Variants in SCAF4 observed in about 807,000 individuals in gnomAD.
SCAF4 encodes SR-related and CTD-associated factor 4.
A neutral mutation model predicts 129.8 loss-of-function variants in SCAF4; 25 were observed. The ratio of observed to expected loss-of-function variants is 0.19; its 90% CI spans 0.14 to 0.27. The LOEUF (loss-of-function observed/expected upper bound fraction) is 0.27, where lower values mean the gene tolerates loss of function less well. SCAF4 is among the 10% of genes least tolerant of loss of function. The probability of loss-of-function intolerance (pLI) is 1.00; values close to 1 mark genes in which losing one functional copy is unlikely to be tolerated. For missense variants in SCAF4, 1,246 were observed against 1,457.1 expected (o/e 0.86, Z 2.36); for synonymous variants, 551 against 497.7 (o/e 1.11, Z -1.43).
intron 11 of SCAF4, among the ~76,000 whole-genome samples, chr21:31,693,964 T>C (rs1392415889): frequency 6.6e-6 from 1 of 152,102 alleles, no homozygotes; most frequent in African/African-American, 2.4e-5. Context: ...TAGAATTATA[T>C]CTTCAAAATT....
Position 31,685,035 on chromosome 21 carries a change from A to C in SCAF4, c.2488+14T>G, listed in dbSNP as rs777857049. On this transcript the variant is annotated intron_variant, in intron 19 of 19. Coordinates refer to ENST00000286835, the MANE Select transcript of SCAF4 (RefSeq NM_020706.2). ...TGGGGCAAGGAAAACTAATGATAAA[A>C]AAAAATAACTTACCAAGAAGTGAAA... The C allele has an allele frequency of 1.9e-6, 3 of 1,560,724 alleles. 1 individual carries two copies. In the South Asian group the frequency reaches 3.3e-5, roughly 17 times the overall value.
chr21:31,680,143 T>A (rs1387060333), intron 19 of SCAF4, among the ~76,000 whole-genome samples: 3 of 152,224 alleles, frequency 2.0e-5, no homozygotes, highest in African/African-American at 7.2e-5. Flanking sequence ...GAGATTTACA[T>A]TTAAGCCATT....
At chr21:31,706,182 A>G (rs1235416192) in intron 2 of SCAF4, 92 bp downstream of exon 2, 4 of 828,466 alleles carry the variant, frequency 4.8e-6, no homozygotes, top group Non-Finnish European at 7.9e-6. Flanking sequence ...TTAGGCCTGA[A>G]CTAATTCACA....
chr21:31,716,347 TAAAGA>T (rs2123654841), intron 1 of SCAF4, among the ~76,000 whole-genome samples: 1 of 152,172 alleles, frequency 6.6e-6, no homozygotes, highest in African/African-American at 2.4e-5. Context: ...AAGTTGAATT[TAAAGA>T]AAAAATAGAA....
At chr21:31,679,403 C>T (rs1282989727) in intron 19 of SCAF4, among the ~76,000 whole-genome samples, 1 of 151,846 alleles carries the variant, frequency 6.6e-6, no homozygotes, top group Non-Finnish European at 1.5e-5. Context: ...ACTGAAATAA[C>T]AGTACAACCA....
chr21:31,684,848 G>T, intron 19 of SCAF4: 1 of 570,118 alleles, frequency 1.8e-6, no homozygotes, highest in Non-Finnish European at 3.1e-6. Flanking sequence ...TCTTGGTAAA[G>T]ATCAAGTACA....
chr21:31,674,644 G>A lies in SCAF4; in HGVS notation c.2489-2290C>T, dbSNP rs115979545. 2.4e-3 allele frequency among the ~76,000 whole-genome samples: 363 copies of A among 152,294 alleles called. 2 individuals carry two copies. Among genetic ancestry groups the A allele is most frequent in the African/African-American group, 8.3e-3 (345 of 41,568 alleles). Reference sequence around the variant, plus strand: ...GAAGACTGGCAAGCATGCTAGCTAGGAAGTCCTTATTAGGAAAGCTGGCAT... The same window carrying A: ...GAAGACTGGCAAGCATGCTAGCTAGAAAGTCCTTATTAGGAAAGCTGGCAT... On this transcript the variant is annotated intron_variant, in intron 19 of 19. Transcript: ENST00000286835.
At chr21:31,721,382 A>G (rs1253712316) in intron 1 of SCAF4, among the ~76,000 whole-genome samples, 1 of 152,196 alleles carries the variant, frequency 6.6e-6, no homozygotes, top group Non-Finnish European at 1.5e-5. Flanking sequence ...AGACTATTAT[A>G]TATTTCTTAA....
chr21:31,721,050 T>C (rs2051054114), intron 1 of SCAF4, among the ~76,000 whole-genome samples: 1 of 152,336 alleles, frequency 6.6e-6, no homozygotes, highest in Non-Finnish European at 1.5e-5. Flanking sequence ...CAATGGTTTT[T>C]GATATATTCA....
intron 1 of SCAF4, among the ~76,000 whole-genome samples, chr21:31,716,445 G>T (rs1376511268): frequency 2.6e-5 from 4 of 152,014 alleles, no homozygotes; most frequent in Non-Finnish European, 5.9e-5. Context: ...AAATATCAAA[G>T]CATTTAGTTC....
Position 31,717,900 on chromosome 21 carries a change from T to TAC in SCAF4, c.31-11544_31-11543insGT, listed in dbSNP as rs1227041267. Among the ~76,000 whole-genome samples the TAC allele has an allele frequency of 2.6e-3, 208 of 78,622 alleles. 1 individual carries two copies. Among genetic ancestry groups the TAC allele is most frequent in the African/African-American group, 8.0e-3 (178 of 22,138 alleles). 51.6% of individuals were successfully genotyped at this position (78,622 alleles called of 152,430 possible). ...ACACATATATACACATATATACACA[T>TAC]ATATACACACACACACACACACACA... On this transcript the variant is annotated intron_variant, in intron 1 of 19. Transcript: ENST00000286835.
chr21:31,700,965 G>A (rs764576504), intron 7 of SCAF4, 30 bp downstream of exon 7: 1 of 1,602,220 alleles, frequency 6.2e-7, no homozygotes, highest in Non-Finnish European at 8.6e-7. Flanking sequence ...TGATATAAAT[G>A]GTGGGGTGGG....
intron 1 of SCAF4, among the ~76,000 whole-genome samples, chr21:31,720,398 T>C (rs1205393344): frequency 6.6e-6 from 1 of 152,254 alleles, no homozygotes; most frequent in Non-Finnish European, 1.5e-5. Context: ...TTGTTATTCT[T>C]AAACTGTGAC....
At chr21:31,717,577 T>C (rs2050948638) in intron 1 of SCAF4, among the ~76,000 whole-genome samples, 1 of 152,134 alleles carries the variant, frequency 6.6e-6, no homozygotes, top group Non-Finnish European at 1.5e-5. Context: ...GAAATATGGT[T>C]ATACAGAATC....
At chr21:31,705,292 G>C (rs575804233) in intron 3 of SCAF4, 131 bp downstream of exon 3, 38 of 486,270 alleles carry the variant, frequency 7.8e-5, no homozygotes, top group African/African-American at 7.3e-4. Flanking sequence ...TAAACTTCTA[G>C]TGATTAAAAA....
At chr21:31,696,256 A>G (rs767081011) in intron 8 of SCAF4, 35 bp from the exon 9 acceptor site, 1 of 1,522,906 alleles carries the variant, frequency 6.6e-7, no homozygotes, top group Non-Finnish European at 9.1e-7. Flanking sequence ...ACCCATTCAA[A>G]AGCACAAGCT....
chr21:31,694,053 C>T (rs1162036965), intron 11 of SCAF4, 151 bp downstream of exon 11: 2 of 449,782 alleles, frequency 4.4e-6, no homozygotes, highest in African/African-American at 2.0e-5. Flanking sequence ...ATCAATACTT[C>T]ACCTGCCCCC....
At chr21:31,731,394 G>A (rs1274002715) in intron 1 of SCAF4, among the ~76,000 whole-genome samples, 1 of 152,216 alleles carries the variant, frequency 6.6e-6, no homozygotes, top group South Asian at 2.1e-4. Flanking sequence ...GCACAGACTT[G>A]GGCTATGGGA....
At chr21:31,702,023 TA>T in intron 5 of SCAF4, 105 bp from the exon 6 acceptor site, 4 of 1,403,910 alleles carry the variant, frequency 2.8e-6, no homozygotes, top group Non-Finnish European at 3.9e-6. Context: ...TAACAAAGTA[TA>T]AAATATAGAG....
Sources: allele counts gnomAD v4.1 joint callset (sites outside exome capture counted in the v4.1 genomes callset), GRCh38; gene constraint gnomAD v4.1.1; transcripts MANE v1.5; gene names NCBI Gene and HGNC (gene_info 2026-07-23, HGNC 2026-07-21).